RFX3: variants seen among roughly 807,000 people sequenced by gnomAD.
RFX3 encodes the protein regulatory factor X3.
Under a neutral mutation model 98.6 loss-of-function variants are expected in RFX3, and 14 were observed. That is an observed-to-expected ratio of 0.14 (90% CI 0.09 to 0.22). RFX3 has a LOEUF of 0.22. RFX3 is among the 10% of genes least tolerant of loss of function. RFX3 has a pLI of 1.00. For synonymous variants in RFX3, 383 were observed against 328.4 expected, an observed-to-expected ratio of 1.17 and a Z score of -1.80; for missense variants, 639 against 926.9, an observed-to-expected ratio of 0.69 and a Z score of 4.03.
chr9:3,284,204 C>A (rs1826277938), intron 7 of RFX3, among the ~76,000 whole-genome samples: 1 of 151,698 alleles, frequency 6.6e-6, no homozygotes, highest in Non-Finnish European at 1.5e-5. Context: ...TTGGCTTTTA[C>A]TACTGGAATT....
intron 2 of RFX3, among the ~76,000 whole-genome samples, chr9:3,366,701 T>TCTTTCTTTCTTTCTTTCTTTCTTTC (rs1837173036): frequency 3.0e-5 from 3 of 99,836 alleles, no homozygotes; most frequent in African/African-American, 1.2e-4. Context: ...TTCCTTTCTT[T>TCTTTCTTTCTTTCTTTCTTTCTTTC]CTTTCTTTCT....
At chr9:3,336,166 T>C (rs184827331) in intron 3 of RFX3, among the ~76,000 whole-genome samples, 158 of 152,242 alleles carry the variant, frequency 1.0e-3, no homozygotes, top group African/African-American at 3.7e-3. Flanking sequence ...ATTATAAGGA[T>C]AGAATATAGA....
intron 1 of RFX3, among the ~76,000 whole-genome samples, chr9:3,486,777 A>C (rs1322580363): frequency 3.6e-4 from 55 of 152,232 alleles, no homozygotes; most frequent in Admixed American, 3.6e-3. Flanking sequence ...AATTTGTGTG[A>C]TTAACTTCTA....
At chr9:3,256,911 C>A in intron 14 of RFX3, 80 bp downstream of exon 14, 1 of 1,307,070 alleles carries the variant, frequency 7.7e-7, no homozygotes, top group South Asian at 1.3e-5. Flanking sequence ...TTTCTTTTGT[C>A]ACAGAAGCAT....
At chr9:3,226,808 T>G (rs1817830421) in intron 16 of RFX3, among the ~76,000 whole-genome samples, 1 of 152,194 alleles carries the variant, frequency 6.6e-6, no homozygotes, top group South Asian at 2.1e-4. Context: ...AACAACAATG[T>G]CTGTAAGGAT....
intron 1 of RFX3, among the ~76,000 whole-genome samples, chr9:3,440,195 C>A (rs1203768428): frequency 2.0e-5 from 3 of 152,014 alleles, no homozygotes; most frequent in African/African-American, 7.2e-5. Flanking sequence ...TGATCGGGAA[C>A]AAGACAGAGA....
At chr9:3,512,981 T>A (rs1002075177) in intron 1 of RFX3, among the ~76,000 whole-genome samples, 1 of 152,092 alleles carries the variant, frequency 6.6e-6, no homozygotes, top group African/African-American at 2.4e-5. Flanking sequence ...TTAAAAAATA[T>A]GTCCACATAG....
chr9:3,502,043 A>C (rs1319825513), intron 1 of RFX3, among the ~76,000 whole-genome samples: 2 of 151,488 alleles, frequency 1.3e-5, no homozygotes, highest in Non-Finnish European at 2.9e-5. Context: ...CGAGGTCAGG[A>C]GATCGAGACC....
At chr9:3,336,411 A>G (rs1833184132) in intron 3 of RFX3, among the ~76,000 whole-genome samples, 4 of 152,182 alleles carry the variant, frequency 2.6e-5, no homozygotes, top group Non-Finnish European at 5.9e-5. Flanking sequence ...AAGCAAAAAA[A>G]AAATACAATA....
At chr9:3,277,523 C>A in intron 7 of RFX3, 62 bp from the exon 8 acceptor site, 1 of 1,414,506 alleles carries the variant, frequency 7.1e-7, no homozygotes, top group Non-Finnish European at 1.0e-6. Context: ...TTTGTACTAC[C>A]CGAAACTCCC....
chr9:3,418,698 A>G (rs1843188803), intron 1 of RFX3, among the ~76,000 whole-genome samples: 1 of 152,188 alleles, frequency 6.6e-6, no homozygotes, highest in South Asian at 2.1e-4. Context: ...GAAGCTTATT[A>G]ATCAAATCAC....
At chr9:3,306,251 C>A (rs1586963766) in intron 4 of RFX3, among the ~76,000 whole-genome samples, 1 of 151,928 alleles carries the variant, frequency 6.6e-6, no homozygotes. Context: ...TATTATATCC[C>A]CATAGCTTCA....
At chr9:3,502,050 G>A (rs920996631) in intron 1 of RFX3, among the ~76,000 whole-genome samples, 1 of 151,082 alleles carries the variant, frequency 6.6e-6, no homozygotes. Flanking sequence ...AGGAGATCGA[G>A]ACCATTCTTG....
At chr9:3,409,234 TAGA>T (rs1842252318) in intron 1 of RFX3, among the ~76,000 whole-genome samples, 1 of 152,250 alleles carries the variant, frequency 6.6e-6, no homozygotes, top group Non-Finnish European at 1.5e-5. Flanking sequence ...AATGATGGTA[TAGA>T]AGATTTCTTT....
In RFX3 at chr9:3,406,353, C is replaced by G. The variant is rs141907609; in HGVS notation, c.-8-10757G>C. Among the ~76,000 whole-genome samples the G allele has an allele frequency of 6.3e-3, 958 of 151,952 alleles. 14 individuals carry two copies. Among genetic ancestry groups the G allele is most frequent in the African/African-American group, 0.022 (895 of 41,454 alleles). On this transcript the variant is annotated intron_variant, in intron 1 of 16. Coordinates refer to ENST00000617270, the MANE Select transcript of RFX3 (RefSeq NM_001282116.2). The stretch of plus-strand genomic sequence containing the variant: ...AATCTTCACTTTGTCTTTCAGGTCT[C>G]AGGAGAAATCCTACTTTCCCGTGAT...
chr9:3,267,628 C>T (rs1346781965), intron 11 of RFX3, among the ~76,000 whole-genome samples: 1 of 151,742 alleles, frequency 6.6e-6, no homozygotes, highest in Non-Finnish European at 1.5e-5. Context: ...AGTGCAGATC[C>T]TTAACCACGA....
In RFX3 at chr9:3,266,196, C is replaced by T. The variant is rs1435498908; in HGVS notation, c.1455+12G>A. 4.0e-6 allele frequency: 6 copies of T among 1,502,768 alleles called. No homozygotes were observed. Among genetic ancestry groups the T allele is most frequent in the Non-Finnish European group, 5.5e-6 (6 of 1,085,292 alleles). The allele number at this position is 1,502,768 out of a possible 1,614,324, so 93.1% of individuals were successfully genotyped here. On this transcript the variant is annotated intron_variant, in intron 12 of 16. Coordinates refer to ENST00000617270, the MANE Select transcript of RFX3 (RefSeq NM_001282116.2). ...CTCAACACAAAAGAAAAAGCAAGGACATAAAGTATACCTTGGTTTGTATCA... is the reference window on the plus strand; with the variant it reads ...CTCAACACAAAAGAAAAAGCAAGGATATAAAGTATACCTTGGTTTGTATCA...
chr9:3,229,903 T>A (rs1336009133), intron 15 of RFX3, among the ~76,000 whole-genome samples: 1 of 152,122 alleles, frequency 6.6e-6, no homozygotes, highest in Non-Finnish European at 1.5e-5. Context: ...CATACACATA[T>A]TTTTTTCCTT....
At chr9:3,455,857 A>T (rs945738743) in intron 1 of RFX3, among the ~76,000 whole-genome samples, 1 of 152,220 alleles carries the variant, frequency 6.6e-6, no homozygotes, top group African/African-American at 2.4e-5. Flanking sequence ...GCACTTCCCC[A>T]TTCCAAGTAC....
Sources: allele counts gnomAD v4.1 joint callset (sites outside exome capture counted in the v4.1 genomes callset), GRCh38; gene constraint gnomAD v4.1.1; transcripts MANE v1.5; gene names NCBI Gene and HGNC (gene_info 2026-07-23, HGNC 2026-07-21).